The following RBFOX1 variants were observed in gnomAD, a reference collection of about 807,000 sequenced individuals.
RBFOX1 encodes the protein RNA binding fox-1 homolog 1.
In RBFOX1, 8 loss-of-function variants were observed where a neutral mutation model predicts 57.7. That is an observed-to-expected ratio of 0.14 (90% CI 0.08 to 0.25). RBFOX1 has a LOEUF of 0.25. Among genes scored for constraint, RBFOX1 ranks in the 10% least tolerant of loss-of-function variants. The pLI is 1.00. For missense variants in RBFOX1, 611 were observed against 548.5 expected (o/e 1.11, Z -1.14); for synonymous variants, 326 against 222.4 (o/e 1.47, Z -4.15).
At chr16:6,883,028 T>C (rs1243725154) in intron 3 of RBFOX1, among the ~76,000 whole-genome samples, 2 of 152,200 alleles carry the variant, frequency 1.3e-5, no homozygotes, top group Non-Finnish European at 2.9e-5. Flanking sequence ...ATATTCTAGA[T>C]AACCCATATG....
At chr16:7,568,881 T>TAAAA (rs1376970317) in intron 5 of RBFOX1, among the ~76,000 whole-genome samples, 1 of 30,658 alleles carries the variant, frequency 3.3e-5, no homozygotes, top group African/African-American at 7.8e-5. Context: ...AGACTCTGTC[T>TAAAA]CAAAAAAAAA....
At chr16:7,315,446 A>G (rs1372804221) in intron 4 of RBFOX1, among the ~76,000 whole-genome samples, 1 of 128,852 alleles carries the variant, frequency 7.8e-6, no homozygotes, top group Non-Finnish European at 1.6e-5. Context: ...TTAAAGCCCT[A>G]CTCTACCCTA....
chr16:5,565,773 C>G (rs1208422102), intron 2 of RBFOX1, among the ~76,000 whole-genome samples: 1 of 152,036 alleles, frequency 6.6e-6, no homozygotes, highest in Non-Finnish European at 1.5e-5. Flanking sequence ...TTTCTAGTAG[C>G]CAGTCTACTT....
At chr16:6,213,051 T>G (rs1354570330) in intron 1 of RBFOX1, among the ~76,000 whole-genome samples, 3 of 152,210 alleles carry the variant, frequency 2.0e-5, no homozygotes, top group Non-Finnish European at 4.4e-5. Context: ...TGTAGGCTTT[T>G]AAAAAGTTAA....
At chr16:5,653,165 G>A (rs113888902) in intron 3 of RBFOX1, among the ~76,000 whole-genome samples, 21 of 149,114 alleles carry the variant, frequency 1.4e-4, no homozygotes, top group Admixed American at 2.7e-4. Context: ...GGTGGGGTGC[G>A]GAACCGTGTG....
intron 3 of RBFOX1, among the ~76,000 whole-genome samples, chr16:6,905,763 T>C (rs1374940535): frequency 2.0e-5 from 3 of 152,118 alleles, no homozygotes; most frequent in Admixed American, 6.5e-5. Flanking sequence ...TGGATGGAAA[T>C]GGTATTTTCA....
chr16:7,467,223 G>A (rs1021906646), intron 4 of RBFOX1, among the ~76,000 whole-genome samples: 7 of 152,200 alleles, frequency 4.6e-5, no homozygotes, highest in African/African-American at 1.4e-4. Flanking sequence ...ATAATGACAC[G>A]GAGAACTTTC....
chr16:7,648,518 T>C (rs755033520), intron 11 of RBFOX1, among the ~76,000 whole-genome samples: 1 of 152,214 alleles, frequency 6.6e-6, no homozygotes, highest in Non-Finnish European at 1.5e-5. Flanking sequence ...ACACTGTGCC[T>C]GACCAGGAAA....
chr16:5,353,322 G>A (rs940709468), intron 1 of RBFOX1, among the ~76,000 whole-genome samples: 3 of 150,870 alleles, frequency 2.0e-5, no homozygotes, highest in Middle Eastern at 3.4e-3. Context: ...AGGTTGCAGT[G>A]AGGCAAGATC....
At chr16:5,322,267 G>C (rs2064431526) in intron 1 of RBFOX1, among the ~76,000 whole-genome samples, 1 of 152,164 alleles carries the variant, frequency 6.6e-6, no homozygotes, top group Non-Finnish European at 1.5e-5. Flanking sequence ...AAGCCCAAGG[G>C]TAGATGGCTG....
At chr16:7,702,798 T>C (rs2081195074) in intron 14 of RBFOX1, among the ~76,000 whole-genome samples, 1 of 152,248 alleles carries the variant, frequency 6.6e-6, no homozygotes, top group Admixed American at 6.5e-5. Context: ...TCATTGGTAA[T>C]GATACCAGCA....
chr16:5,454,754 CT>C (rs368770061), intron 1 of RBFOX1, among the ~76,000 whole-genome samples: 1,914 of 22,338 alleles, frequency 0.086, 127 homozygotes, highest in African/African-American at 0.22. Flanking sequence ...TTTTTCTTTT[CT>C]TTTCTTTCTT....
intron 4 of RBFOX1, among the ~76,000 whole-genome samples, chr16:7,310,569 C>T (rs981107296): frequency 6.6e-6 from 1 of 152,138 alleles, no homozygotes; most frequent in Non-Finnish European, 1.5e-5. Context: ...TGTCATGGTC[C>T]AGTATTTCTC....
At chr16:5,941,241 A>G (rs530906651) in intron 4 of RBFOX1, among the ~76,000 whole-genome samples, 9 of 152,276 alleles carry the variant, frequency 5.9e-5, no homozygotes, top group South Asian at 4.1e-4. Flanking sequence ...TGTAATCCCA[A>G]TGCTTTGGAA....
At chr16:6,305,902 G>T (rs1328576153) in intron 1 of RBFOX1, among the ~76,000 whole-genome samples, 1 of 152,048 alleles carries the variant, frequency 6.6e-6, no homozygotes, top group Non-Finnish European at 1.5e-5. Context: ...CCCCTTAGGA[G>T]CTGGACATGA....
intron 3 of RBFOX1, among the ~76,000 whole-genome samples, chr16:6,786,598 G>T (rs1490063145): frequency 6.6e-6 from 1 of 152,164 alleles, no homozygotes; most frequent in African/African-American, 2.4e-5. Flanking sequence ...GGACAAAGCT[G>T]GTTCCCCTGA....
At chr16:7,173,326 C>G (rs756159155) in intron 4 of RBFOX1, among the ~76,000 whole-genome samples, 1 of 152,180 alleles carries the variant, frequency 6.6e-6, no homozygotes, top group Non-Finnish European at 1.5e-5. Context: ...AGCTGGAGCT[C>G]AGTGCCACCA....
At chr16:7,175,299 A>G (rs1023044840) in intron 4 of RBFOX1, among the ~76,000 whole-genome samples, 10 of 152,142 alleles carry the variant, frequency 6.6e-5, no homozygotes, top group Admixed American at 2.0e-4. Flanking sequence ...AACAAAGTGC[A>G]TGATCTTTCA....
intron 4 of RBFOX1, among the ~76,000 whole-genome samples, chr16:7,344,021 A>G (rs147314592): frequency 2.0e-5 from 3 of 151,476 alleles, no homozygotes; most frequent in African/African-American, 4.9e-5. Context: ...AGTGTTTTCT[A>G]TATAGGGAAG....
Sources: gnomAD v4.1 joint callset for allele counts (sites outside exome capture counted in the v4.1 genomes callset) on GRCh38, gnomAD v4.1.1 for gene constraint, MANE v1.5 for transcripts, NCBI Gene and HGNC (gene_info 2026-07-23, HGNC 2026-07-21) for gene names.